Variants in TP73 observed in about 807,000 individuals in gnomAD.
TP73 encodes the protein p53-like transcription factor.
In TP73, 25 loss-of-function variants were observed where a neutral mutation model predicts 62.5. That is an observed-to-expected ratio of 0.40 (90% CI 0.29 to 0.56). The LOEUF is 0.56. Among genes scored for constraint, TP73 ranks in the 20% least tolerant of loss-of-function variants. The pLI, the probability that TP73 is intolerant of heterozygous loss-of-function variation, is 0.46. For missense variants in TP73, 754 were observed against 913.3 expected (o/e 0.83, Z 2.25); for synonymous variants, 423 against 377.5 (o/e 1.12, Z -1.40).
intron 12 of TP73, 111 bp downstream of exon 12, chr1:3,731,176 C>T: frequency 6.9e-7 from 1 of 1,446,268 alleles, no homozygotes; most frequent in Non-Finnish European, 9.3e-7. Flanking sequence ...CCACTCGCAA[C>T]CCTGGATCAG....
chr1:3,676,442 G>T (rs12028205), intron 1 of TP73, among the ~76,000 whole-genome samples: 52,402 of 140,612 alleles, frequency 0.37, 9,940 homozygotes, highest in Admixed American at 0.46. Context: ...GAGGACAGAG[G>T]AACAGGGGAC....
At chr1:3,669,677 C>T (rs1333754843) in intron 1 of TP73, among the ~76,000 whole-genome samples, 3 of 152,240 alleles carry the variant, frequency 2.0e-5, no homozygotes, top group African/African-American at 2.4e-5. Flanking sequence ...CCGGCCTCCC[C>T]GGCACTCACG....
At chr1:3,726,655 GGATT>G (rs1287899675) in intron 6 of TP73, among the ~76,000 whole-genome samples, 10 of 146,976 alleles carry the variant, frequency 6.8e-5, no homozygotes, top group Non-Finnish European at 1.1e-4. Context: ...ATGGATGGAT[GGATT>G]GATTGATATT....
At chr1:3,675,844 G>A (rs890283007) in intron 1 of TP73, among the ~76,000 whole-genome samples, 22 of 152,278 alleles carry the variant, frequency 1.4e-4, no homozygotes, top group African/African-American at 5.3e-4. Context: ...GGCCTTACCT[G>A]TGGGCCCATG....
At chr1:3,707,433 T>G in intron 3 of TP73, 116 bp from the exon 4 acceptor site, 2 of 1,415,350 alleles carry the variant, frequency 1.4e-6, no homozygotes, top group Non-Finnish European at 1.9e-6. Flanking sequence ...GGGGAAATAT[T>G]TGGGATGACT....
intron 1 of TP73, among the ~76,000 whole-genome samples, chr1:3,664,566 G>A (rs111684188): frequency 0.037 from 5,571 of 152,258 alleles, 354 homozygotes; most frequent in African/African-American, 0.13. Flanking sequence ...CCACCAGTCC[G>A]AATACATGAG....
At chr1:3,682,937 G>A (rs2102091967) in intron 2 of TP73, 123 bp from the exon 3 acceptor site, 1 of 1,326,536 alleles carries the variant, frequency 7.5e-7, no homozygotes. Flanking sequence ...GAGGGAATGG[G>A]AAGGGCAGGA....
chr1:3,702,195 G>C (rs1007996126), intron 3 of TP73, among the ~76,000 whole-genome samples: 2 of 152,146 alleles, frequency 1.3e-5, no homozygotes, highest in Non-Finnish European at 2.9e-5. Context: ...CTTCAGGGCT[G>C]GGCTGAGCTC....
chr1:3,664,732 G>A (rs536514604), intron 1 of TP73, among the ~76,000 whole-genome samples: 2 of 152,166 alleles, frequency 1.3e-5, no homozygotes, highest in African/African-American at 4.8e-5. Flanking sequence ...GGGGGGCAGG[G>A]GTTGTAGAGT....
intron 1 of TP73, among the ~76,000 whole-genome samples, chr1:3,658,555 T>G (rs902418965): frequency 6.6e-6 from 1 of 152,184 alleles, no homozygotes; most frequent in Non-Finnish European, 1.5e-5. Context: ...CAGCTATCAG[T>G]CTCATGGTGA....
chr1:3,693,131 T>G (rs1179428713), intron 3 of TP73, among the ~76,000 whole-genome samples: 1 of 151,902 alleles, frequency 6.6e-6, no homozygotes, highest in Non-Finnish European at 1.5e-5. Context: ...CTCTTCCCTC[T>G]CGGGGGGAGG....
chr1:3,728,956 C>G (rs530616535), intron 9 of TP73, among the ~76,000 whole-genome samples: 20 of 152,162 alleles, frequency 1.3e-4, no homozygotes, highest in African/African-American at 4.3e-4. Flanking sequence ...CCACTGCACT[C>G]TAGCCTAGGC....
At chr1:3,682,296 C>A in intron 1 of TP73, 37 bp from the exon 2 acceptor site, 1 of 1,395,094 alleles carries the variant, frequency 7.2e-7, no homozygotes, top group South Asian at 1.5e-5. Context: ...AGCACGAGTT[C>A]CCAGGGTGCT....
Position 3,699,011 on chromosome 1 carries a change from G to A in TP73, c.187-8538G>A, listed in dbSNP as rs977220670. Among the ~76,000 whole-genome samples, 3 of 152,190 alleles carry A rather than the reference G, an allele frequency of 2.0e-5. No homozygotes were observed. Among genetic ancestry groups the A allele is most frequent in the African/African-American group, 7.2e-5 (3 of 41,450 alleles). ...TGGCCCTGGCACGGGATTGGGCAAGGCCTCGCCTCAGCCCCGGGTGAGAGC... is the reference window on the plus strand; with the variant it reads ...TGGCCCTGGCACGGGATTGGGCAAGACCTCGCCTCAGCCCCGGGTGAGAGC... On this transcript the variant is annotated intron_variant, in intron 3 of 13. Coordinates refer to ENST00000378295, the MANE Select transcript of TP73 (RefSeq NM_005427.4). This position sits in a 1 kb window ranked among gnomAD's most constrained non-coding sequence, Gnocchi z 4.1.
At chr1:3,719,122 G>A (rs947399487) in intron 4 of TP73, among the ~76,000 whole-genome samples, 4 of 151,962 alleles carry the variant, frequency 2.6e-5, no homozygotes, top group Non-Finnish European at 4.4e-5. Flanking sequence ...CACCCCGGCC[G>A]GGGTCTGTTT....
intron 4 of TP73, among the ~76,000 whole-genome samples, chr1:3,710,498 G>A (rs1260921636): frequency 3.3e-5 from 5 of 152,146 alleles, no homozygotes; most frequent in Non-Finnish European, 4.4e-5. Flanking sequence ...GCTTGCGTCC[G>A]GCCTCTGCAC....
chr1:3,721,382 A>T (rs1410804844), intron 4 of TP73, among the ~76,000 whole-genome samples: 1 of 152,224 alleles, frequency 6.6e-6, no homozygotes, highest in African/African-American at 2.4e-5. Context: ...GGCCAAGACC[A>T]AGCCACACAG....
chr1:3,660,648 T>G (rs777989708), intron 1 of TP73, among the ~76,000 whole-genome samples: 83 of 152,240 alleles, frequency 5.5e-4, no homozygotes, highest in Non-Finnish European at 8.1e-4. Flanking sequence ...AGTTTCTTCA[T>G]TTACATTCTG....
At chr1:3,719,890 T>TGTGTGTGTGTG (rs1640919589) in intron 4 of TP73, among the ~76,000 whole-genome samples, 1 of 132,146 alleles carries the variant, frequency 7.6e-6, no homozygotes, top group Non-Finnish European at 1.6e-5. Flanking sequence ...TTTTTTCTCT[T>TGTGTGTGTGTG]TGTGTGTGTG....
Sources: allele counts gnomAD v4.1 joint callset (sites outside exome capture counted in the v4.1 genomes callset), GRCh38; gene constraint gnomAD v4.1.1; non-coding constraint Gnocchi (gnomAD v3.1); transcripts MANE v1.5; gene names NCBI Gene and HGNC (gene_info 2026-07-23, HGNC 2026-07-21).